The following GAREM1 variants were observed in gnomAD, a reference collection of about 807,000 sequenced individuals.
The protein encoded by GAREM1 is GRB2-associated and regulator of MAPK protein 1.
In GAREM1, 26 loss-of-function variants were observed where a neutral mutation model predicts 71.3. The ratio of observed to expected loss-of-function variants is 0.36; its 90% CI spans 0.27 to 0.51. The LOEUF (loss-of-function observed/expected upper bound fraction) is 0.51, where lower values mean the gene tolerates loss of function less well. Among genes scored for constraint, GAREM1 ranks in the 20% least tolerant of loss-of-function variants. GAREM1 has a pLI of 0.95. For synonymous variants in GAREM1, 440 were observed against 433.2 expected, an observed-to-expected ratio of 1.02 and a Z score of -0.20; for missense variants, 1,026 against 1,103.1, an observed-to-expected ratio of 0.93 and a Z score of 0.99.
At chr18:32,302,519 C>T (rs928519214) in intron 3 of GAREM1, among the ~76,000 whole-genome samples, 1 of 152,130 alleles carries the variant, frequency 6.6e-6, no homozygotes, top group Non-Finnish European at 1.5e-5. Flanking sequence ...CAATGGAATA[C>T]TATTCAGCTT....
In GAREM1 at chr18:32,330,798, T is replaced by C. The variant is rs146230705; in HGVS notation, c.263-20475A>G. Among the ~76,000 whole-genome samples, 1,227 of 152,260 alleles carry C rather than the reference T, an allele frequency of 8.1e-3. 11 individuals are homozygous for C. The highest frequency in any genetic ancestry group is 0.018 in the South Asian group (86 of 4,826). On this transcript the variant is annotated intron_variant, in intron 2 of 5. Transcript: ENST00000269209. Reference sequence around the variant, plus strand: ...AAAGTTAAGATTAGTATTTTAAACATTTATTTAATATATCAGGAAGGAAAC... The same window carrying C: ...AAAGTTAAGATTAGTATTTTAAACACTTATTTAATATATCAGGAAGGAAAC...
chr18:32,435,086 T>C (rs959121282), intron 1 of GAREM1, among the ~76,000 whole-genome samples: 15 of 152,104 alleles, frequency 9.9e-5, no homozygotes, highest in African/African-American at 3.6e-4. Context: ...AGATAAAACA[T>C]TGAACAAATC....
intron 2 of GAREM1, among the ~76,000 whole-genome samples, chr18:32,320,839 T>C (rs1011443739): frequency 6.6e-6 from 1 of 152,234 alleles, no homozygotes; most frequent in Non-Finnish European, 1.5e-5. Flanking sequence ...ACTGGTTAAT[T>C]GCTTCTTCAG....
chr18:32,357,306 G>A (rs186452228), intron 2 of GAREM1, among the ~76,000 whole-genome samples: 8 of 152,278 alleles, frequency 5.3e-5, no homozygotes. Context: ...GCGAGACCCT[G>A]TCTCAATTAA....
chr18:32,353,668 A>C (rs1286677861), intron 2 of GAREM1, among the ~76,000 whole-genome samples: 1 of 152,214 alleles, frequency 6.6e-6, no homozygotes, highest in African/African-American at 2.4e-5. Flanking sequence ...ATAAAAGGAG[A>C]AAATGGCTAA....
intron 3 of GAREM1, among the ~76,000 whole-genome samples, chr18:32,300,575 C>T (rs1433550694): frequency 6.6e-6 from 1 of 152,122 alleles, no homozygotes; most frequent in Non-Finnish European, 1.5e-5. Flanking sequence ...GAATCACAAG[C>T]GGCTCTGTCT....
intron 2 of GAREM1, among the ~76,000 whole-genome samples, chr18:32,356,933 T>C (rs2047812371): frequency 6.6e-6 from 1 of 152,188 alleles, no homozygotes. Flanking sequence ...CCATTGTATG[T>C]ATAATTTTAA....
At chr18:32,396,499 C>T (rs780148631) in intron 1 of GAREM1, among the ~76,000 whole-genome samples, 2 of 152,146 alleles carry the variant, frequency 1.3e-5, no homozygotes, top group Non-Finnish European at 2.9e-5. Flanking sequence ...ACGAGAACTA[C>T]GTGACGAATG....
chr18:32,434,394 T>A (rs2056074844), intron 1 of GAREM1, among the ~76,000 whole-genome samples: 1 of 152,102 alleles, frequency 6.6e-6, no homozygotes, highest in African/African-American at 2.4e-5. Flanking sequence ...AGTACCCGGA[T>A]CTTTAAAAAA....
chr18:32,305,170 T>A (rs2047241376), intron 3 of GAREM1, among the ~76,000 whole-genome samples: 1 of 152,180 alleles, frequency 6.6e-6, no homozygotes, highest in Non-Finnish European at 1.5e-5. Flanking sequence ...TGACTGCTAT[T>A]CCCAAAACAT....
At chr18:32,364,024 A>ATGTTTTTTTG in intron 2 of GAREM1, among the ~76,000 whole-genome samples, 1 of 52,188 alleles carries the variant, frequency 1.9e-5, no homozygotes, top group South Asian at 6.8e-4. Context: ...ATATATATAT[A>ATGTTTTTTTG]TATGTTTTTT....
chr18:32,281,919 G>A lies in GAREM1; in HGVS notation c.1566+5112C>T, dbSNP rs141201962. 8.7e-3 allele frequency among the ~76,000 whole-genome samples: 1,328 copies of A among 152,278 alleles called. 20 individuals are homozygous for A. The highest frequency in any genetic ancestry group is 0.03 in the African/African-American group (1,260 of 41,562). Reference sequence around the variant, plus strand: ...TAACTGATGACATTCCACCACAAAAGAAGTGTAAATGGCCGGTCCTTGCCT... The same window carrying A: ...TAACTGATGACATTCCACCACAAAAAAAGTGTAAATGGCCGGTCCTTGCCT... On this transcript the variant is annotated intron_variant, in intron 4 of 5. Coordinates refer to ENST00000269209, the MANE Select transcript of GAREM1 (RefSeq NM_001242409.2).
At chr18:32,422,883 T>C (rs2048533102) in intron 1 of GAREM1, among the ~76,000 whole-genome samples, 1 of 152,172 alleles carries the variant, frequency 6.6e-6, no homozygotes, top group Non-Finnish European at 1.5e-5. Context: ...CTTTTATAAT[T>C]GAGGAAATAT....
At chr18:32,439,402 G>A (rs2048712518) in intron 1 of GAREM1, among the ~76,000 whole-genome samples, 1 of 152,174 alleles carries the variant, frequency 6.6e-6, no homozygotes, top group Non-Finnish European at 1.5e-5. Context: ...CTCAGATCAA[G>A]AACCCGAAGC....
intron 1 of GAREM1, among the ~76,000 whole-genome samples, chr18:32,400,767 G>A (rs1176229686): frequency 2.6e-5 from 4 of 152,264 alleles, no homozygotes; most frequent in East Asian, 1.9e-4. Context: ...ACAGTGTGGC[G>A]ATTCCTCAAG....
chr18:32,343,568 T>A (rs1278479318), intron 2 of GAREM1, among the ~76,000 whole-genome samples: 2 of 152,144 alleles, frequency 1.3e-5, no homozygotes, highest in African/African-American at 2.4e-5. Flanking sequence ...CCCAAAGTGC[T>A]GGAATTACAG....
At chr18:32,432,183 C>A (rs1676732606) in intron 1 of GAREM1, among the ~76,000 whole-genome samples, 1 of 152,036 alleles carries the variant, frequency 6.6e-6, no homozygotes, top group Non-Finnish European at 1.5e-5. Flanking sequence ...TTCTTAATTT[C>A]TTTAAAATAA....
At chr18:32,407,555 T>A (rs1326229424) in intron 1 of GAREM1, among the ~76,000 whole-genome samples, 3 of 152,238 alleles carry the variant, frequency 2.0e-5, no homozygotes, top group Non-Finnish European at 4.4e-5. Flanking sequence ...TGCCATGTTT[T>A]TTCTTCTACT....
At chr18:32,357,536 A>G (rs1455938911) in intron 2 of GAREM1, among the ~76,000 whole-genome samples, 1 of 152,212 alleles carries the variant, frequency 6.6e-6, no homozygotes, top group East Asian at 1.9e-4. Context: ...TGATGGGCAC[A>G]GGACCCGAAG....
Sources: gnomAD v4.1 joint callset for allele counts (sites outside exome capture counted in the v4.1 genomes callset) on GRCh38, gnomAD v4.1.1 for gene constraint, MANE v1.5 for transcripts, NCBI Gene and HGNC (gene_info 2026-07-23, HGNC 2026-07-21) for gene names.